Variants in TPRKB observed in about 807,000 individuals in gnomAD.
The protein encoded by TPRKB is TP53RK binding protein.
In TPRKB, 11 loss-of-function variants were observed where a neutral mutation model predicts 17.8. The observed-to-expected ratio is 0.62, with a 90% CI of 0.39 to 1.02. The LOEUF is 1.02. Ranked by LOEUF, TPRKB falls within the 50% of genes least tolerant of loss-of-function variation. TPRKB has a pLI of 0.00. For synonymous variants in TPRKB, 71 were observed against 69.5 expected (o/e 1.02, Z -0.11); for missense variants, 228 against 198.0 (o/e 1.15, Z -0.91).
At chr2:73,731,954 C>G in intron 3 of TPRKB, 1 of 461,122 alleles carries the variant, frequency 2.2e-6, no homozygotes, top group Non-Finnish European at 3.8e-6. Context: ...ATTAACCTCG[C>G]TTAATTTAGC....
rs58241189 is a variant in TPRKB, at chr2:73,733,217, C to A, written c.142-932G>T. 1.6e-3 allele frequency among the ~76,000 whole-genome samples: 235 copies of A among 148,666 alleles called. 1 individual carries two copies. Among genetic ancestry groups the A allele is most frequent in the African/African-American group, 5.5e-3 (225 of 40,688 alleles). ...AAGTAGTAGGTCTGGGATTAATTCC[C>A]GGTAACATGATCGCACTGCGTGTGC... On this transcript the variant is annotated intron_variant, in intron 2 of 4. Transcript: ENST00000272424.
chr2:73,732,084 A>T, intron 3 of TPRKB, 79 bp downstream of exon 3: 3 of 1,485,140 alleles, frequency 2.0e-6, no homozygotes, highest in Non-Finnish European at 2.7e-6. Flanking sequence ...GGCTTGCAGG[A>T]ATTTAGCCTC....
chr2:73,731,355 C>T (rs1441310402), intron 3 of TPRKB, among the ~76,000 whole-genome samples: 2 of 152,098 alleles, frequency 1.3e-5, no homozygotes, highest in East Asian at 1.9e-4. Context: ...GTAAATGGAA[C>T]GGGGAAAAAG....
rs747180608 is a variant in TPRKB, at chr2:73,732,153, T to C, written c.264+10A>G. 5.6e-6 allele frequency: 9 copies of C among 1,611,368 alleles called. No homozygotes were observed. The South Asian group carries it at 9.9e-5, about 18-fold the overall frequency. On this transcript the variant is annotated intron_variant, in intron 3 of 4. Coordinates refer to ENST00000272424, the MANE Select transcript of TPRKB (RefSeq NM_016058.5). ...GACACGGTCAACAGAAATAGGAAAGTGCACATTACATTGTTATTTGGGGAA... is the reference window on the plus strand; with the variant it reads ...GACACGGTCAACAGAAATAGGAAAGCGCACATTACATTGTTATTTGGGGAA...
chr2:73,736,193 T>TTCAA (rs1671868810), intron 1 of TPRKB, among the ~76,000 whole-genome samples: 1 of 152,066 alleles, frequency 6.6e-6, no homozygotes, highest in Admixed American at 6.6e-5. Context: ...TGGCACACAG[T>TTCAA]TCAATCATTA....
chr2:73,730,531 ACT>A, intron 4 of TPRKB, 27 bp downstream of exon 4: 1 of 1,515,144 alleles, frequency 6.6e-7, no homozygotes, highest in Non-Finnish European at 8.9e-7. Context: ...CATCTATCAC[ACT>A]CTTTCTAAAA....
Position 73,733,633 on chromosome 2 carries a change from C to A in TPRKB, c.141+796G>T, listed in dbSNP as rs189262382. Among the ~76,000 whole-genome samples, 185 of 152,222 alleles carry A rather than the reference C, an allele frequency of 1.2e-3. 2 individuals carry two copies. Among genetic ancestry groups the A allele is most frequent in the African/African-American group, 3.8e-3 (158 of 41,546 alleles). ...CATTTCCCATATTAGACCCAGACCA[C>A]AACCTTTCCTATTTCCTAGGGCAGG... On this transcript the variant is annotated intron_variant, in intron 2 of 4. Coordinates refer to ENST00000272424, the MANE Select transcript of TPRKB (RefSeq NM_016058.5).
At chr2:73,735,680 A>G (rs566338867) in intron 1 of TPRKB, among the ~76,000 whole-genome samples, 1 of 152,246 alleles carries the variant, frequency 6.6e-6, no homozygotes, top group Non-Finnish European at 1.5e-5. Context: ...ATAACCAGAA[A>G]GACATGACCA....
intron 1 of TPRKB, among the ~76,000 whole-genome samples, chr2:73,736,726 A>G (rs1482118993): frequency 1.3e-5 from 2 of 152,120 alleles, no homozygotes; most frequent in Admixed American, 1.3e-4. Flanking sequence ...GCCCTCCTAT[A>G]ATCCAGTCGT....
intron 3 of TPRKB, chr2:73,730,946 G>T (rs1291434234): frequency 5.0e-6 from 2 of 398,184 alleles, no homozygotes; most frequent in Non-Finnish European, 8.8e-6. Context: ...GGTACGCCTT[G>T]TTCCTATGGA....
chr2:73,732,169 A>G lies in TPRKB; in HGVS notation c.258T>C (p.Asn86=). 1 of 1,613,454 alleles carries G rather than the reference A, an allele frequency of 6.2e-7. No homozygotes were observed. The highest frequency in any genetic ancestry group is 8.5e-7 in the Non-Finnish European group (1 of 1,179,782). ...STEIIFNLSP[N]NNISEALKKF... ...ATAGGAAAGTGCACATTACATTGTTATTTGGGGAAAGGTTGAAAATAATTT... is the reference window on the plus strand; with the variant it reads ...ATAGGAAAGTGCACATTACATTGTTGTTTGGGGAAAGGTTGAAAATAATTT... Residue 86 remains asparagine, a synonymous_variant, in exon 3 of 5, where the codon AAT becomes AAC. Coordinates refer to ENST00000272424, the MANE Select transcript of TPRKB (RefSeq NM_016058.5).
intron 4 of TPRKB, 75 bp downstream of exon 4, chr2:73,730,484 TG>T: frequency 9.6e-7 from 1 of 1,038,160 alleles, no homozygotes; most frequent in East Asian, 2.8e-5. Flanking sequence ...CAAGGAGCTC[TG>T]GTGATCAATA....
Position 73,730,701 on chromosome 2 carries a change from T to C in TPRKB, c.300A>G (p.Ala100=). 6.5e-7 allele frequency: 1 copy of C among 1,536,452 alleles called. No individual in the cohort carries two copies. The highest frequency in any genetic ancestry group is 8.7e-7 in the Non-Finnish European group (1 of 1,153,356). ...AAACAATTAGAATTGAAGTGTCATTTGCTGAGATACCAAATTTTTTCAAAG... is the reference window on the plus strand; with the variant it reads ...AAACAATTAGAATTGAAGTGTCATTCGCTGAGATACCAAATTTTTTCAAAG... ...SEALKKFGIS[A]NDTSILIVYI... Residue 100 remains alanine (A), a synonymous_variant, in exon 4 of 5, where the codon GCA becomes GCG. Coordinates refer to ENST00000272424, the MANE Select transcript of TPRKB (RefSeq NM_016058.5).
chr2:73,730,822 C>T, intron 3 of TPRKB, 86 bp from the exon 4 acceptor site: 3 of 955,024 alleles, frequency 3.1e-6, no homozygotes, highest in Non-Finnish European at 4.4e-6. Flanking sequence ...TGCCTTCTTC[C>T]TTGGTCAGGC....
intron 1 of TPRKB, among the ~76,000 whole-genome samples, chr2:73,735,605 G>A (rs1420713644): frequency 6.6e-6 from 1 of 152,126 alleles, no homozygotes; most frequent in East Asian, 1.9e-4. Context: ...TTGGACATAA[G>A]CTTAACAAGA....
intron 1 of TPRKB, 33 bp from the exon 2 acceptor site, chr2:73,734,624 A>T (rs1671796432): frequency 1.3e-6 from 2 of 1,512,550 alleles, no homozygotes; most frequent in East Asian, 4.6e-5. Flanking sequence ...AAAAGATTTC[A>T]TTTAAAAGTT....
At chr2:73,734,671 C>G in intron 1 of TPRKB, 80 bp from the exon 2 acceptor site, 6 of 1,276,596 alleles carry the variant, frequency 4.7e-6, no homozygotes, top group Non-Finnish European at 6.4e-6. Flanking sequence ...TATTCAAAAA[C>G]TTTGAAAGTA....
chr2:73,732,004 A>G (rs1291495620), intron 3 of TPRKB, 159 bp downstream of exon 3: 1 of 752,468 alleles, frequency 1.3e-6, no homozygotes, highest in African/African-American at 1.8e-5. Flanking sequence ...TCTTAGTAAG[A>G]GGCAGGGTTA....
chr2:73,734,308 A>T (rs1401210582), intron 2 of TPRKB, 121 bp downstream of exon 2: 1 of 947,368 alleles, frequency 1.1e-6, no homozygotes, highest in African/African-American at 1.7e-5. Context: ...CATGTTGGCC[A>T]GGCTGGTCTT....
Sources: gnomAD v4.1 joint callset for allele counts (sites outside exome capture counted in the v4.1 genomes callset) on GRCh38, gnomAD v4.1.1 for gene constraint, MANE v1.5 for transcripts, NCBI Gene and HGNC (gene_info 2026-07-23, HGNC 2026-07-21) for gene names.